The following CLASP2 variants were observed in gnomAD, a reference collection of about 807,000 sequenced individuals.
CLASP2 encodes CLIP-associating protein 2.
Under a neutral mutation model 194.4 loss-of-function variants are expected in CLASP2, and 47 were observed. The ratio of observed to expected loss-of-function variants is 0.24; its 90% CI spans 0.19 to 0.31. The LOEUF is 0.31. Ranked by LOEUF, CLASP2 falls within the 10% of genes least tolerant of loss-of-function variation. The probability of loss-of-function intolerance (pLI) is 1.00; values close to 1 mark genes in which losing one functional copy is unlikely to be tolerated. For missense variants in CLASP2, 1,445 were observed against 1,823.6 expected (o/e 0.79, Z 3.78); for synonymous variants, 619 against 633.5 (o/e 0.98, Z 0.34).
chr3:33,713,012 CAAAAAAAAAAAAAAA>C (rs57940200), intron 1 of CLASP2, among the ~76,000 whole-genome samples: 5 of 46,990 alleles, frequency 1.1e-4, no homozygotes, highest in African/African-American at 2.3e-4. Flanking sequence ...AACTCCACCT[CAAAAAAAAAAAAAAA>C]AAAAAAAAAA....
rs1188887032 is a variant in CLASP2, at chr3:33,527,063, G to A, written c.3787+8170C>T. ...TAACAACCTAACTTCATAACTGAAA[G>A]AATTAGAGAAGGAAGAACAAATTAA... On this transcript the variant is annotated intron_variant, in intron 34 of 38. Coordinates refer to ENST00000682230, the MANE Select transcript of CLASP2 (RefSeq NM_001365631.1). Among the ~76,000 whole-genome samples, 3 of 152,026 alleles carry A rather than the reference G, an allele frequency of 2.0e-5. No homozygotes were observed. In the East Asian group the frequency reaches 5.8e-4, roughly 29 times the overall value.
At chr3:33,663,577 C>A in intron 6 of CLASP2, 62 bp from the exon 7 acceptor site, 4 of 1,143,330 alleles carry the variant, frequency 3.5e-6, no homozygotes, top group Non-Finnish European at 5.2e-6. Context: ...TAAATAGAAA[C>A]AATTTCCTTC....
At chr3:33,545,407 G>T (rs2059000115) in intron 30 of CLASP2, among the ~76,000 whole-genome samples, 1 of 152,156 alleles carries the variant, frequency 6.6e-6, no homozygotes, top group South Asian at 2.1e-4. Context: ...AATCATTTAT[G>T]ATCACATGAC....
intron 30 of CLASP2, among the ~76,000 whole-genome samples, chr3:33,546,738 T>C (rs1251109532): frequency 6.6e-6 from 1 of 152,206 alleles, no homozygotes. Flanking sequence ...TCCCTTATAC[T>C]AGCCCATTTT....
At chr3:33,660,609 C>A (rs1346996519) in intron 7 of CLASP2, among the ~76,000 whole-genome samples, 1 of 151,984 alleles carries the variant, frequency 6.6e-6, no homozygotes, top group Non-Finnish European at 1.5e-5. Flanking sequence ...CAAAGACACA[C>A]CAAAAAATTT....
At chr3:33,637,998 T>C (rs2080492612) in intron 8 of CLASP2, among the ~76,000 whole-genome samples, 1 of 152,192 alleles carries the variant, frequency 6.6e-6, no homozygotes, top group African/African-American at 2.4e-5. Flanking sequence ...GGTACATCAA[T>C]AATGTGGAAT....
chr3:33,703,731 T>C (rs986226089), intron 1 of CLASP2, among the ~76,000 whole-genome samples: 1 of 152,216 alleles, frequency 6.6e-6, no homozygotes, highest in African/African-American at 2.4e-5. Context: ...AGCAATCCAC[T>C]GGCCTTGGCC....
At chr3:33,701,189 G>A (rs756704826) in intron 1 of CLASP2, among the ~76,000 whole-genome samples, 2 of 152,174 alleles carry the variant, frequency 1.3e-5, no homozygotes, top group African/African-American at 4.8e-5. Flanking sequence ...TGCAGAAATC[G>A]ACAAGCTGAT....
chr3:33,584,804 T>C lies in CLASP2; in HGVS notation c.2185A>G (p.Ile729Val). The C allele has an allele frequency of 1.2e-6, 2 of 1,613,058 alleles. No homozygotes were observed. The highest frequency in any genetic ancestry group is 1.7e-6 in the Non-Finnish European group (2 of 1,179,672). Residue 729 changes from isoleucine (I) to valine (V), a missense_variant, in exon 22 of 39, where the codon ATA becomes GTA. Around this residue, in one of 4 missense-constraint regions of CLASP2, gnomAD observed 732 missense variants for 987.9 expected, o/e 0.74. Coordinates refer to ENST00000682230, the MANE Select transcript of CLASP2 (RefSeq NM_001365631.1). ...NSASAQKRSK[I>V]PRSQGCSREA... ...CTGCTACAGCCCTGGCTCCGTGGTA[T>C]CTTGCTTCTTTTTTGTGCTGAGGCT... is the stretch of plus-strand genomic sequence containing the variant.
At chr3:33,648,568 A>G (rs2082663408) in intron 7 of CLASP2, among the ~76,000 whole-genome samples, 1 of 152,318 alleles carries the variant, frequency 6.6e-6, no homozygotes, top group African/African-American at 2.4e-5. Context: ...CCCACTTCCA[A>G]TAAGGTTATG....
intron 7 of CLASP2, among the ~76,000 whole-genome samples, chr3:33,652,189 A>T (rs1297181765): frequency 6.6e-6 from 1 of 152,212 alleles, no homozygotes; most frequent in South Asian, 2.1e-4. Context: ...TCTGATTCAC[A>T]TTAAGTAGTT....
At chr3:33,662,094 C>A (rs2085397563) in intron 7 of CLASP2, among the ~76,000 whole-genome samples, 1 of 152,146 alleles carries the variant, frequency 6.6e-6, no homozygotes, top group Non-Finnish European at 1.5e-5. Flanking sequence ...CCGAACCTCC[C>A]TGTTTATGGA....
intron 2 of CLASP2, among the ~76,000 whole-genome samples, chr3:33,693,712 A>G (rs1372562146): frequency 6.6e-6 from 1 of 152,234 alleles, no homozygotes; most frequent in Non-Finnish European, 1.5e-5. Flanking sequence ...TTTTCCTATT[A>G]TACCACACTG....
chr3:33,700,225 G>A (rs1299591233), intron 1 of CLASP2, among the ~76,000 whole-genome samples: 2 of 151,992 alleles, frequency 1.3e-5, no homozygotes, highest in Admixed American at 6.6e-5. Flanking sequence ...TCAGGAGTTC[G>A]AGACCAGCCT....
At chr3:33,566,613 C>A in intron 27 of CLASP2, 119 bp downstream of exon 27, 1 of 325,750 alleles carries the variant, frequency 3.1e-6, no homozygotes, top group Non-Finnish European at 6.1e-6. Flanking sequence ...AATAGCATTT[C>A]GTGGATTGCA....
At chr3:33,690,348 A>G (rs566409473) in intron 2 of CLASP2, among the ~76,000 whole-genome samples, 1 of 152,248 alleles carries the variant, frequency 6.6e-6, no homozygotes, top group South Asian at 2.1e-4. Context: ...CCAAATGTCT[A>G]TTTTTTAGAC....
intron 1 of CLASP2, among the ~76,000 whole-genome samples, chr3:33,699,621 C>T (rs2092225461): frequency 6.6e-6 from 1 of 152,002 alleles, no homozygotes; most frequent in African/African-American, 2.4e-5. Context: ...ATACCTGAAA[C>T]CACAGACAGT....
chr3:33,603,610 GTTT>G (rs1365825525), intron 17 of CLASP2, among the ~76,000 whole-genome samples: 1 of 152,070 alleles, frequency 6.6e-6, no homozygotes, highest in Non-Finnish European at 1.5e-5. Flanking sequence ...CAGTTTTTCA[GTTT>G]TTTATTTTTA....
chr3:33,563,906 T>C (rs746108460), intron 27 of CLASP2: 4 of 456,254 alleles, frequency 8.8e-6, no homozygotes, highest in Non-Finnish European at 1.8e-5. Context: ...ACACCTCATA[T>C]ATCCACCCTG....
Sources: allele counts gnomAD v4.1 joint callset (sites outside exome capture counted in the v4.1 genomes callset), GRCh38; gene constraint gnomAD v4.1.1; regional missense constraint gnomAD v4.1.1; transcripts MANE v1.5; gene names NCBI Gene and HGNC (gene_info 2026-07-23, HGNC 2026-07-21).